MNX1: variants seen among roughly 807,000 people sequenced by gnomAD.
The protein encoded by MNX1 is motor neuron and pancreas homeobox 1.
A neutral mutation model predicts 17.3 loss-of-function variants in MNX1; 2 were observed. That is an observed-to-expected ratio of 0.12 (90% CI 0.05 to 0.36). MNX1 has a LOEUF of 0.36. Among genes scored for constraint, MNX1 ranks in the 10% least tolerant of loss-of-function variants. The probability of loss-of-function intolerance (pLI) is 1.00; values close to 1 mark genes in which losing one functional copy is unlikely to be tolerated. For missense variants in MNX1, 556 were observed against 564.7 expected, an observed-to-expected ratio of 0.98 and a Z score of 0.16; for synonymous variants, 306 against 283.1, an observed-to-expected ratio of 1.08 and a Z score of -0.81.
Position 157,009,675 on chromosome 7 carries a change from T to C in MNX1, c.676A>G (p.Met226Val), listed in dbSNP as rs889871814. 6 of 1,609,254 alleles carry C rather than the reference T, an allele frequency of 3.7e-6. No homozygotes were observed. The Admixed American group carries it at 1.0e-4, about 27-fold the overall frequency. The change falls in exon 1 of 3, where the codon ATG (methionine) becomes GTG (valine). Residue 226 changes from methionine to valine, a missense_variant. By Grantham distance (21) the Met-to-Val change is conservative. This residue lies in a region of MNX1 where 210 missense variants were observed against 211.3 expected (regional missense o/e 0.99). Coordinates refer to ENST00000252971, the MANE Select transcript of MNX1 (RefSeq NM_005515.4). ...ASTAGMILPK[M>V]PDFNSQAQSN... is the part of the protein sequence containing the mutation. Reference sequence around the variant, plus strand: ...GGGTACTCACAGTTGAAGTCGGGCATCTTAGGCAGGATCATGCCCGCGGTG... The same window carrying C: ...GGGTACTCACAGTTGAAGTCGGGCACCTTAGGCAGGATCATGCCCGCGGTG...
At position 157,008,772 on chromosome 7, in the gene MNX1, T is replaced by A. The variant is rs6951967; in HGVS notation, c.691+888A>T. 0.14 allele frequency: 83,752 copies of A among 584,918 alleles called. 9,123 individuals are homozygous for A. Among genetic ancestry groups the A allele is most frequent in the African/African-American group, 0.44 (23,711 of 53,590 alleles). The allele number at this position is 584,918 out of a possible 1,614,324, so 36.2% of individuals were successfully genotyped here. A position where few individuals can be genotyped will look rare whatever the true frequency, so the allele number is the denominator to read the frequency against. On this transcript the variant is annotated intron_variant, in intron 1 of 2. Transcript: ENST00000252971. Reference sequence around the variant, plus strand: ...ATATACATCTGCTCGGCCCGACTCATAAGTAGCTGACCCCGATGGGGCGAG... The same window carrying A: ...ATATACATCTGCTCGGCCCGACTCAAAAGTAGCTGACCCCGATGGGGCGAG...
chr7:157,006,803 G>T lies in MNX1; in HGVS notation c.692-164C>A. 1 of 664,278 alleles carries T rather than the reference G, an allele frequency of 1.5e-6. No individual in the cohort carries two copies. Among genetic ancestry groups the T allele is most frequent in the Non-Finnish European group, 2.4e-6 (1 of 408,342 alleles). 41.1% of individuals were successfully genotyped at this position (664,278 alleles called of 1,614,324 possible). A position where few individuals can be genotyped will look rare whatever the true frequency, so the allele number is the denominator to read the frequency against. On this transcript the variant is annotated intron_variant, in intron 1 of 2. Coordinates refer to ENST00000252971, the MANE Select transcript of MNX1 (RefSeq NM_005515.4). The surrounding 1 kb of genome is among the most constrained non-coding windows in gnomAD (Gnocchi z 6.3). ...TCAGTGCCCACTCCCCAAGGAATGC[G>T]GACTCAGGACCACCAAGTGGAAATG...
In MNX1 at chr7:157,006,720, A is replaced by C; in HGVS notation, c.692-81T>G. The stretch of plus-strand genomic sequence containing the variant: ...CTCCCGTTGCTGCTTGTACCACTAC[A>C]CTCAAGGCCCCAGCGCCAAGGCCTG... On this transcript the variant is annotated intron_variant, in intron 1 of 2. Transcript: ENST00000252971. The surrounding 1 kb of genome is among the most constrained non-coding windows in gnomAD (Gnocchi z 6.3). 7.0e-7 allele frequency: 1 copy of C among 1,428,934 alleles called. No homozygotes were observed. The highest frequency in any genetic ancestry group is 2.2e-5 in the Admixed American group (1 of 45,734). The allele number at this position is 1,428,934 out of a possible 1,614,324, so 88.5% of individuals were successfully genotyped here.
chr7:157,005,990 G>A, intron 2 of MNX1, 117 bp from the exon 3 acceptor site: 6 of 1,159,060 alleles, frequency 5.2e-6, no homozygotes, highest in Non-Finnish European at 7.5e-6. Context: ...AATGGCCTCA[G>A]GGTGAGACGA....
At position 157,006,280 on chromosome 7, in the gene MNX1, G is replaced by T; in HGVS notation, c.852+199C>A. ...CACCTTCTTCAGAATGAAAGGAGGG[G>T]TGGTTAAGTGCTGATTCTTGGGCCC... On this transcript the variant is annotated intron_variant, in intron 2 of 2. Transcript: ENST00000252971. This position sits in a 1 kb window ranked among gnomAD's most constrained non-coding sequence, Gnocchi z 6.3. 1.6e-6 allele frequency: 1 copy of T among 607,668 alleles called. No homozygotes were observed. The highest frequency in any genetic ancestry group is 2.9e-6 in the Non-Finnish European group (1 of 346,634). 37.6% of individuals were successfully genotyped at this position (607,668 alleles called of 1,614,324 possible).
chr7:157,006,782 T>C lies in MNX1; in HGVS notation c.692-143A>G. 1 of 796,208 alleles carries C rather than the reference T, an allele frequency of 1.3e-6. No individual in the cohort carries two copies. The highest frequency in any genetic ancestry group is 1.9e-6 in the Non-Finnish European group (1 of 525,866). The allele number at this position is 796,208 out of a possible 1,614,324, so 49.3% of individuals were successfully genotyped here. A position where few individuals can be genotyped will look rare whatever the true frequency, so the allele number is the denominator to read the frequency against. ...GGCGGGGCTGTTCCCTCACTATCAG[T>C]GCCCACTCCCCAAGGAATGCGGACT... On this transcript the variant is annotated intron_variant, in intron 1 of 2. Coordinates refer to ENST00000252971, the MANE Select transcript of MNX1 (RefSeq NM_005515.4). The surrounding 1 kb of genome is among the most constrained non-coding windows in gnomAD (Gnocchi z 6.3).
intron 1 of MNX1, chr7:157,008,787 G>A (rs1050275700): frequency 1.7e-6 from 1 of 594,930 alleles, no homozygotes; most frequent in African/African-American, 1.9e-5. Flanking sequence ...AGCTGACCCC[G>A]ATGGGGCGAG....
At position 157,005,166 on chromosome 7, in the gene MNX1, G is replaced by C. The variant is rs1805566490; in HGVS notation, c.*354C>G. The C allele has an allele frequency of 4.3e-6, 1 of 234,412 alleles. No homozygotes were observed. Among genetic ancestry groups the C allele is most frequent in the African/African-American group, 2.2e-5 (1 of 45,102 alleles). The allele number at this position is 234,412 out of a possible 1,614,324, so 14.5% of individuals were successfully genotyped here. Reference sequence around the variant, plus strand: ...CCTTCTCGGACGCGGGGAAAGGGGAGACAGGAGGCTTCCCCTTGCGCGGGG... The same window carrying C: ...CCTTCTCGGACGCGGGGAAAGGGGACACAGGAGGCTTCCCCTTGCGCGGGG... On this transcript the variant is annotated 3_prime_UTR_variant, in exon 3 of 3. Transcript: ENST00000252971.
chr7:157,009,880 C>A lies in MNX1; in HGVS notation c.471G>T (p.Ala157=), dbSNP rs1318264047. 8 of 1,431,646 alleles carry A rather than the reference C, an allele frequency of 5.6e-6. No homozygotes were observed. Among genetic ancestry groups the A allele is most frequent in the Non-Finnish European group, 7.3e-6 (8 of 1,098,120 alleles). The allele number at this position is 1,431,646 out of a possible 1,614,324, so 88.7% of individuals were successfully genotyped here. A position where few individuals can be genotyped will look rare whatever the true frequency, so the allele number is the denominator to read the frequency against. ...AGCCGTAGACCGGGTGGCCGTAGAG[C>A]GCCGCCTGCGCCGGGAGGCCCGCGC... ...QGGAGLPAQA[A]LYGHPVYGYS... Residue 157 remains alanine, a synonymous_variant, in exon 1 of 3, where the codon GCG becomes GCT. Coordinates refer to ENST00000252971, the MANE Select transcript of MNX1 (RefSeq NM_005515.4).
chr7:157,008,241 C>T (rs1805640743), intron 1 of MNX1: 1 of 152,292 alleles, frequency 6.6e-6, no homozygotes, highest in Admixed American at 6.5e-5. Context: ...CAGCCCCCTC[C>T]GTGGGCAACT....
Position 157,010,390 on chromosome 7 carries a change from C to T in MNX1, c.-40G>A. The T allele has an allele frequency of 2.0e-6, 3 of 1,528,276 alleles. No individual in the cohort carries two copies. Among genetic ancestry groups the T allele is most frequent in the East Asian group, 2.5e-5 (1 of 40,130 alleles). The allele number at this position is 1,528,276 out of a possible 1,614,324, so 94.7% of individuals were successfully genotyped here. On this transcript the variant is annotated 5_prime_UTR_variant, in exon 1 of 3. Transcript: ENST00000252971. Reference sequence around the variant, plus strand: ...CTGGCGCTCAGGGCCCGGTGGCGGGCGACGCGGCCGTGTGCGGGCTCGCGG... The same window carrying T: ...CTGGCGCTCAGGGCCCGGTGGCGGGTGACGCGGCCGTGTGCGGGCTCGCGG...
intron 1 of MNX1, chr7:157,008,902 C>A: frequency 7.4e-7 from 1 of 1,344,036 alleles, no homozygotes. Context: ...GCGAGGTGTC[C>A]CGCCCGGATG....
chr7:157,005,995 A>G, intron 2 of MNX1, 122 bp from the exon 3 acceptor site: 1 of 1,092,094 alleles, frequency 9.2e-7, no homozygotes, highest in African/African-American at 1.5e-5. Flanking sequence ...CCTCAGGGTG[A>G]GACGACTTAG....
chr7:157,009,845 G>T lies in MNX1; in HGVS notation c.506C>A (p.Ala169Glu). ...YGHPVYGYSA[A>E]AAAAALAGQH... ...GCCCGCCAGCGCAGCCGCCGCCGCCGCCGCGGAGTAGCCGTAGACCGGGTG... is the reference window on the plus strand; with the variant it reads ...GCCCGCCAGCGCAGCCGCCGCCGCCTCCGCGGAGTAGCCGTAGACCGGGTG... The change falls in exon 1 of 3, where the codon GCG becomes GAG. Residue 169 changes from alanine (A) to glutamate (E), a missense_variant. By Grantham distance (107) the Ala-to-Glu change is moderately radical. This residue lies in a region of MNX1 where 210 missense variants were observed against 211.3 expected (regional missense o/e 0.99). Transcript: ENST00000252971. 1 of 1,511,260 alleles carries T rather than the reference G, an allele frequency of 6.6e-7. No homozygotes were observed. Among genetic ancestry groups the T allele is most frequent in the Non-Finnish European group, 8.8e-7 (1 of 1,137,926 alleles). 93.6% of individuals were successfully genotyped at this position (1,511,260 alleles called of 1,614,324 possible).
rs751803747 is a variant in MNX1, at chr7:157,009,671, G to A, written c.680C>T (p.Pro227Leu). The A allele has an allele frequency of 5.0e-6, 8 of 1,609,074 alleles. No individual in the cohort carries two copies. Among genetic ancestry groups the A allele is most frequent in the Non-Finnish European group, 5.1e-6 (6 of 1,179,180 alleles). Residue 227 changes from proline (P) to leucine (L), a missense_variant, in exon 1 of 3, where the codon CCC becomes CTC. By Grantham distance (98) the Pro-to-Leu change is moderately conservative (BLOSUM62 -3). Coordinates refer to ENST00000252971, the MANE Select transcript of MNX1 (RefSeq NM_005515.4). Reference sequence around the variant, plus strand: ...CGCAGGGTACTCACAGTTGAAGTCGGGCATCTTAGGCAGGATCATGCCCGC... The same window carrying A: ...CGCAGGGTACTCACAGTTGAAGTCGAGCATCTTAGGCAGGATCATGCCCGC... ...STAGMILPKM[P>L]DFNSQAQSNL...
chr7:157,006,524 G>T lies in MNX1; in HGVS notation c.807C>A (p.Pro269=). The change falls in exon 2 of 3, where the codon CCC becomes CCA. Residue 269 remains proline, a synonymous_variant. Transcript: ENST00000252971. The surrounding 1 kb of genome is among the most constrained non-coding windows in gnomAD (Gnocchi z 6.3). ...GCGAGGTGGCCACCTCGAAGCGCTTGGGCCGCGACAGGTACTTGTTGAGCT... is the reference window on the plus strand; with the variant it reads ...GCGAGGTGGCCACCTCGAAGCGCTTTGGCCGCGACAGGTACTTGTTGAGCT... The part of the protein sequence containing the change: ...QFKLNKYLSR[P]KRFEVATSLM... 2 of 1,611,242 alleles carry T rather than the reference G, an allele frequency of 1.2e-6. No individual in the cohort carries two copies. The highest frequency in any genetic ancestry group is 1.7e-6 in the Non-Finnish European group (2 of 1,179,336).
chr7:157,005,716 G>A lies in MNX1; in HGVS notation c.1010C>T (p.Pro337Leu). 6.2e-7 allele frequency: 1 copy of A among 1,610,148 alleles called. No individual in the cohort carries two copies. Residue 337 changes from proline (P) to leucine (L), a missense_variant, in exon 3 of 3, where the codon CCA becomes CTA. By Grantham distance (98) the Pro-to-Leu change is moderately conservative. This residue lies in a region of MNX1 where 178 missense variants were observed against 155.2 expected (regional missense o/e 1.15). Transcript: ENST00000252971. ...TCCGCTGCCCTTGTCTCCGGGCGCT[G>A]GCGGCCCCAGCAGCTCCTCGGCTCC... is the stretch of plus-strand genomic sequence containing the variant. ...EPGAEELLGP[P>L]APGDKGSGRR...
chr7:157,009,670 G>A lies in MNX1; in HGVS notation c.681C>T (p.Pro227=), dbSNP rs764138906. The A allele has an allele frequency of 6.2e-7, 1 of 1,609,200 alleles. No homozygotes were observed. Among genetic ancestry groups the A allele is most frequent in the Non-Finnish European group, 8.5e-7 (1 of 1,179,194 alleles). ...STAGMILPKM[P]DFNSQAQSNL... ...CCGCAGGGTACTCACAGTTGAAGTC[G>A]GGCATCTTAGGCAGGATCATGCCCG... Residue 227 remains proline (P), a synonymous_variant, in exon 1 of 3, where the codon CCC becomes CCT. Transcript: ENST00000252971.
chr7:157,005,606 C>T lies in MNX1; in HGVS notation c.1120G>A (p.Ala374Thr), dbSNP rs1303249110. The T allele has an allele frequency of 1.9e-6, 3 of 1,604,400 alleles. No individual in the cohort carries two copies. Among genetic ancestry groups the T allele is most frequent in the Non-Finnish European group, 2.5e-6 (3 of 1,176,826 alleles). The change falls in exon 3 of 3, where the codon GCC becomes ACC. Residue 374 changes from alanine (A) to threonine (T), a missense_variant. Transcript: ENST00000252971. Reference protein sequence around the residue: ...DEDHFPYSNGASVHAASSDCS... With the variant: ...DEDHFPYSNGTSVHAASSDCS... The stretch of plus-strand genomic sequence containing the variant: ...TCGGAGGAGGCGGCGTGGACGCTGG[C>T]GCCGTTGCTGTAGGGGAAATGGTCC...
Sources: allele counts gnomAD v4.1 joint callset, GRCh38; gene constraint gnomAD v4.1.1; regional missense constraint gnomAD v4.1.1; non-coding constraint Gnocchi (gnomAD v3.1); transcripts MANE v1.5; gene names NCBI Gene and HGNC (gene_info 2026-07-23, HGNC 2026-07-21).